The following COL19A1 variants were observed in gnomAD, a reference collection of about 807,000 sequenced individuals.
COL19A1 encodes collagen alpha-1(XIX) chain.
COL19A1 carries 159 observed loss-of-function variants against 190.2 expected under a neutral mutation model. The ratio of observed to expected loss-of-function variants is 0.84; its 90% CI spans 0.73 to 0.95. The LOEUF (loss-of-function observed/expected upper bound fraction) is 0.95, where lower values mean the gene tolerates loss of function less well. Among genes scored for constraint, COL19A1 ranks in the 40% least tolerant of loss-of-function variants. COL19A1 has a pLI of 0.00. For synonymous variants in COL19A1, 509 were observed against 458.9 expected, an observed-to-expected ratio of 1.11 and a Z score of -1.39; for missense variants, 1,418 against 1,431.9, an observed-to-expected ratio of 0.99 and a Z score of 0.16.
At chr6:70,081,068 C>A (rs1223075797) in intron 15 of COL19A1, among the ~76,000 whole-genome samples, 4 of 152,002 alleles carry the variant, frequency 2.6e-5, no homozygotes, top group Non-Finnish European at 5.9e-5. Flanking sequence ...TATTCCCTTT[C>A]TTTTTAATTT....
chr6:69,972,171 C>T (rs1202117192), intron 11 of COL19A1, among the ~76,000 whole-genome samples: 2 of 152,166 alleles, frequency 1.3e-5, no homozygotes, highest in African/African-American at 4.8e-5. Flanking sequence ...ATTTAGCTTC[C>T]CTCTATCCAC....
intron 44 of COL19A1, among the ~76,000 whole-genome samples, chr6:70,181,036 T>A (rs1484113739): frequency 3.9e-5 from 6 of 152,244 alleles, no homozygotes; most frequent in African/African-American, 1.4e-4. Flanking sequence ...TGATGTGACA[T>A]TGTAACAATC....
At chr6:69,918,421 G>A (rs1771454655) in intron 4 of COL19A1, among the ~76,000 whole-genome samples, 1 of 152,148 alleles carries the variant, frequency 6.6e-6, no homozygotes. Context: ...TAAGGGCTTG[G>A]GGTGGTGGCT....
chr6:70,150,871 A>G (rs145150501), intron 30 of COL19A1, among the ~76,000 whole-genome samples: 94 of 152,212 alleles, frequency 6.2e-4, no homozygotes, highest in South Asian at 2.9e-3. Flanking sequence ...AGAACATCTC[A>G]AGACGTGTGG....
At position 70,188,683 on chromosome 6, in the gene COL19A1, T is replaced by C. The variant is rs76019361; in HGVS notation, c.3027+438T>C. On this transcript the variant is annotated intron_variant, in intron 47 of 50. Coordinates refer to ENST00000620364, the MANE Select transcript of COL19A1 (RefSeq NM_001858.6). ...CATGTCCATTTCATACTCTATTTTG[T>C]TGAATATCAGAACAACAAATCTGCC... Among the ~76,000 whole-genome samples the C allele has an allele frequency of 2.9e-3, 406 of 140,618 alleles. 1 individual carries two copies. The highest frequency in any genetic ancestry group is 9.9e-3 in the African/African-American group (392 of 39,464). The allele number at this position is 140,618 out of a possible 152,430, so 92.3% of individuals were successfully genotyped here.
intron 11 of COL19A1, among the ~76,000 whole-genome samples, chr6:70,004,719 G>T (rs1470797010): frequency 2.0e-5 from 3 of 152,040 alleles, no homozygotes; most frequent in African/African-American, 7.2e-5. Context: ...AGCTCCATCA[G>T]GTAATTTATG....
Position 70,100,793 on chromosome 6 carries a change from T to A in COL19A1, c.1225-1376T>A, listed in dbSNP as rs185071996. On this transcript the variant is annotated intron_variant, in intron 15 of 50. Transcript: ENST00000620364. ...ATGCCTAGCCTATGTTTTTAATTTT[T>A]AAAAAATTTTAAATCTGTTCTGTAG... Among the ~76,000 whole-genome samples, 575 of 152,256 alleles carry A rather than the reference T, an allele frequency of 3.8e-3. 7 individuals carry two copies. Among genetic ancestry groups the A allele is most frequent in the Middle Eastern group, 0.02 (6 of 294 alleles).
At chr6:69,936,513 C>T (rs1773119474) in intron 7 of COL19A1, among the ~76,000 whole-genome samples, 1 of 152,012 alleles carries the variant, frequency 6.6e-6, no homozygotes, top group Non-Finnish European at 1.5e-5. Flanking sequence ...CTGTACTTAT[C>T]AAAAAGTTAC....
chr6:69,997,557 C>A (rs544937111), intron 11 of COL19A1, among the ~76,000 whole-genome samples: 1 of 152,092 alleles, frequency 6.6e-6, no homozygotes, highest in Non-Finnish European at 1.5e-5. Context: ...ATAAAGGAAC[C>A]AAATGGAAAT....
intron 1 of COL19A1, among the ~76,000 whole-genome samples, chr6:69,867,881 G>C (rs1360596766): frequency 6.6e-6 from 1 of 152,092 alleles, no homozygotes; most frequent in Non-Finnish European, 1.5e-5. Context: ...GTGAATAGAG[G>C]CAAGAGAGTG....
At chr6:70,161,837 T>G (rs1787826365) in intron 34 of COL19A1, 63 bp from the exon 35 acceptor site, 19 of 1,337,138 alleles carry the variant, frequency 1.4e-5, no homozygotes, top group Non-Finnish European at 1.4e-5. Context: ...AAATATTTGA[T>G]TAACTAAAAT....
At chr6:70,137,088 C>T (rs1162592201) in intron 18 of COL19A1, among the ~76,000 whole-genome samples, 1 of 152,150 alleles carries the variant, frequency 6.6e-6, no homozygotes, top group Admixed American at 6.6e-5. Context: ...ATGTCACATA[C>T]AGATCTCTCT....
At chr6:69,879,703 GC>G in intron 2 of COL19A1, 45 bp downstream of exon 2, 1 of 1,538,852 alleles carries the variant, frequency 6.5e-7, no homozygotes, top group Non-Finnish European at 9.0e-7. Context: ...GTTATTTATA[GC>G]CTTTAAGTCA....
intron 9 of COL19A1, among the ~76,000 whole-genome samples, chr6:69,957,071 T>C (rs1322600380): frequency 6.6e-6 from 1 of 152,122 alleles, no homozygotes; most frequent in African/African-American, 2.4e-5. Flanking sequence ...TCATTTATAC[T>C]GGGTTTGCAA....
rs780074771 is a variant in COL19A1, at chr6:70,142,011, C to T, written c.1519-12C>T. The T allele has an allele frequency of 6.2e-7, 1 of 1,612,406 alleles. No homozygotes were observed. Among genetic ancestry groups the T allele is most frequent in the Non-Finnish European group, 8.5e-7 (1 of 1,178,938 alleles). ...AAGAAACATTGATCTTTCCTTCCCC[C>T]CACGTGTTTAGGGTGAACCTGGAGA... On this transcript the variant is annotated splice_polypyrimidine_tract_variant and intron_variant, in intron 21 of 50. Transcript: ENST00000620364.
rs75920229 is a variant in COL19A1, at chr6:69,937,762, C to T, written c.874-276C>T. 0.036 allele frequency among the ~76,000 whole-genome samples: 5,409 copies of T among 152,030 alleles called. 345 individuals are homozygous for T. Among genetic ancestry groups the T allele is most frequent in the African/African-American group, 0.12 (5,068 of 41,456 alleles). On this transcript the variant is annotated intron_variant, in intron 8 of 50. Coordinates refer to ENST00000620364, the MANE Select transcript of COL19A1 (RefSeq NM_001858.6). ...TAAGCTCTACGAGAAAGGCAAGGTTCGGGGGTCCATAGAGAAACAGCTTGT... is the reference window on the plus strand; with the variant it reads ...TAAGCTCTACGAGAAAGGCAAGGTTTGGGGGTCCATAGAGAAACAGCTTGT...
At chr6:70,024,428 G>T (rs992456741) in intron 12 of COL19A1, among the ~76,000 whole-genome samples, 3 of 152,146 alleles carry the variant, frequency 2.0e-5, no homozygotes, top group African/African-American at 7.2e-5. Flanking sequence ...AGGACCTGAA[G>T]GGCCACATGA....
At position 70,023,629 on chromosome 6, in the gene COL19A1, T is replaced by G; in HGVS notation, c.1029T>G (p.Gly343=). The G allele has an allele frequency of 6.2e-7, 1 of 1,607,630 alleles. No individual in the cohort carries two copies. Among genetic ancestry groups the G allele is most frequent in the South Asian group, 1.1e-5 (1 of 89,544 alleles). The part of the protein sequence containing the change: ...EGSKGETGEK[G]EQGEKGDPAL... ...TTGTATAAATTGTTTCTTTTTAGGG[T>G]GAACAAGGAGAAAAAGGAGATCCAG... Residue 343 remains glycine, a splice_region_variant and synonymous_variant, in exon 12 of 51, where the codon GGT becomes GGG. Transcript: ENST00000620364.
At chr6:69,875,144 G>A (rs1306205251) in intron 1 of COL19A1, among the ~76,000 whole-genome samples, 1 of 152,202 alleles carries the variant, frequency 6.6e-6, no homozygotes, top group Non-Finnish European at 1.5e-5. Flanking sequence ...TTTGCGCATA[G>A]TAACATTTAA....
Sources: allele counts gnomAD v4.1 joint callset (sites outside exome capture counted in the v4.1 genomes callset), GRCh38; gene constraint gnomAD v4.1.1; transcripts MANE v1.5; gene names NCBI Gene and HGNC (gene_info 2026-07-23, HGNC 2026-07-21).